The following FLT4 variants were observed in gnomAD, a reference collection of about 807,000 sequenced individuals.
FLT4 encodes fms related receptor tyrosine kinase 4.
A neutral mutation model predicts 163.2 loss-of-function variants in FLT4; 30 were observed. The observed-to-expected ratio is 0.18, with a 90% CI of 0.14 to 0.25. FLT4 has a LOEUF of 0.25. Among genes scored for constraint, FLT4 ranks in the 10% least tolerant of loss-of-function variants. The probability of loss-of-function intolerance (pLI) is 1.00; values close to 1 mark genes in which losing one functional copy is unlikely to be tolerated. For missense variants in FLT4, 1,510 were observed against 1,863.8 expected (o/e 0.81, Z 3.50); for synonymous variants, 884 against 789.5 (o/e 1.12, Z -2.01).
chr5:180,628,928 TCAC>T lies in FLT4; in HGVS notation c.1054_1056del (p.Val352del). ...TACGCTGCCAGCTTCACGGGCAGCTTCACCAGCTCGTCTCCTGCCGTGGCCTCC... is the reference window on the plus strand; with the variant it reads ...TACGCTGCCAGCTTCACGGGCAGCTTCAGCTCGTCTCCTGCCGTGGCCTCC... On this transcript the variant is annotated inframe_deletion, in exon 8 of 30. Transcript: ENST00000261937. The T allele has an allele frequency of 6.2e-7, 1 of 1,612,704 alleles. No homozygotes were observed. The highest frequency in any genetic ancestry group is 1.7e-4 in the Middle Eastern group (1 of 6,060).
intron 1 of FLT4, among the ~76,000 whole-genome samples, chr5:180,646,559 G>C (rs983555168): frequency 1.3e-5 from 2 of 152,210 alleles, no homozygotes; most frequent in Non-Finnish European, 2.9e-5. Context: ...TTAGCTGGAA[G>C]TGACACTGCC....
In FLT4 at chr5:180,622,804, C is replaced by T; in HGVS notation, c.1584G>A (p.Val528=). 6.2e-7 allele frequency: 1 copy of T among 1,613,648 alleles called. No individual in the cohort carries two copies. Among genetic ancestry groups the T allele is most frequent in the Non-Finnish European group, 8.5e-7 (1 of 1,179,900 alleles). Residue 528 remains valine, a synonymous_variant, in exon 12 of 30, where the codon GTG becomes GTA. Coordinates refer to ENST00000261937, the MANE Select transcript of FLT4 (RefSeq NM_182925.5). ...VSKLVIQNAN[V]SAMYKCVVSN... ...AGACCACACACTTGTACATGGCAGA[C>T]ACGTTGGCATTCTGGATCACCAGCT...
chr5:180,619,841 G>A, intron 17 of FLT4, 72 bp from the exon 18 acceptor site: 3 of 1,129,282 alleles, frequency 2.7e-6, no homozygotes, highest in South Asian at 1.3e-5. Context: ...CGGCGGGGGA[G>A]CCCCGTGCAG....
intron 8 of FLT4, 136 bp from the exon 9 acceptor site, chr5:180,626,401 C>T (rs1763616529): frequency 2.2e-6 from 2 of 927,568 alleles, no homozygotes; most frequent in Non-Finnish European, 3.4e-6. Flanking sequence ...GAACACTGGT[C>T]TGCGAGGGGA....
chr5:180,637,698 A>G (rs1764793663), intron 1 of FLT4, among the ~76,000 whole-genome samples: 1 of 152,104 alleles, frequency 6.6e-6, no homozygotes, highest in South Asian at 2.1e-4. Flanking sequence ...ACGCCCAGCT[A>G]ATTTTGTATC....
intron 8 of FLT4, among the ~76,000 whole-genome samples, chr5:180,628,417 G>C (rs1038414931): frequency 6.6e-6 from 1 of 152,202 alleles, no homozygotes; most frequent in South Asian, 2.1e-4. Flanking sequence ...TCTCTCGCTC[G>C]CTGCCGTGCA....
rs942490321 is a variant in FLT4, at chr5:180,631,723, T to G, written c.114A>C (p.Ser38=). The change falls in exon 2 of 30, where the codon TCA becomes TCC. Residue 38 remains serine (S), a synonymous_variant. Transcript: ENST00000261937. The part of the protein sequence containing the change: ...TPPTLNITEE[S]HVIDTGDSLS... Reference sequence around the variant, plus strand: ...GGCTGTCACCGGTGTCGATGACGTGTGACTCCTCCGTGATGTTCAAGGTCG... The same window carrying G: ...GGCTGTCACCGGTGTCGATGACGTGGGACTCCTCCGTGATGTTCAAGGTCG... 6.2e-7 allele frequency: 1 copy of G among 1,610,730 alleles called. No homozygotes were observed. The highest frequency in any genetic ancestry group is 1.1e-5 in the South Asian group (1 of 91,084).
intron 1 of FLT4, among the ~76,000 whole-genome samples, chr5:180,641,482 G>T (rs931478982): frequency 2.6e-5 from 4 of 152,244 alleles, no homozygotes; most frequent in African/African-American, 4.8e-5. Flanking sequence ...TTTCTGGGCA[G>T]CTGAGCCCAG....
At position 180,603,352 on chromosome 5, in the gene FLT4, G is replaced by A; in HGVS notation, c.3932C>T (p.Ala1311Val). The stretch of plus-strand genomic sequence containing the variant: ...CCGCCTCCCTTGGGAGTCAGGGTGT[G>A]CCCTGGTCACAGCCACATTCTGGCC... ...GPGQNVAVTRAHPDSQGRRRR... is the reference protein window; with the variant it reads ...GPGQNVAVTRVHPDSQGRRRR... Residue 1311 changes from alanine to valine, a missense_variant, in exon 30 of 30, where the codon GCA becomes GTA. This residue lies in a region of FLT4 where 295 missense variants were observed against 311.0 expected (regional missense o/e 0.95). Coordinates refer to ENST00000261937, the MANE Select transcript of FLT4 (RefSeq NM_182925.5). The A allele has an allele frequency of 6.2e-7, 1 of 1,614,114 alleles. No individual in the cohort carries two copies.
rs1243859727 is a variant in FLT4 at position 180,636,505 on chromosome 5, C to T, written c.59-4727G>A. Among the ~76,000 whole-genome samples the T allele has an allele frequency of 6.6e-6, 1 of 150,918 alleles. No homozygotes were observed. Among genetic ancestry groups the T allele is most frequent in the East Asian group, 2.0e-4 (1 of 5,058 alleles). Reference sequence around the variant, plus strand: ...AAAGCTGTCATCAGCTGCACCCCCCCGTCACTTCCCCTCATTCTCTGCTGA... The same window carrying T: ...AAAGCTGTCATCAGCTGCACCCCCCTGTCACTTCCCCTCATTCTCTGCTGA... On this transcript the variant is annotated intron_variant, in intron 1 of 29. Transcript: ENST00000261937. This position sits in a 1 kb window ranked among gnomAD's most constrained non-coding sequence, Gnocchi z 4.3.
intron 5 of FLT4, 46 bp from the exon 6 acceptor site, chr5:180,629,881 C>T (rs1241535074): frequency 1.2e-6 from 2 of 1,612,660 alleles, no homozygotes; most frequent in Admixed American, 1.7e-5. Context: ...CAGGACGACA[C>T]CCACTGAGGC....
rs998229892 is a variant in FLT4, at chr5:180,629,012, A to G, written c.986-13T>C. On this transcript the variant is annotated splice_polypyrimidine_tract_variant and intron_variant, in intron 7 of 29. Coordinates refer to ENST00000261937, the MANE Select transcript of FLT4 (RefSeq NM_182925.5). ...ATGAAGGGATTTTCTGCCGGACAGG[A>G]GAAGTCACTGTAAATCCAGGACTGA... 3.1e-6 allele frequency: 5 copies of G among 1,602,950 alleles called. No homozygotes were observed. The South Asian group carries it at 4.4e-5, about 14-fold the overall frequency.
At chr5:180,624,163 T>C in intron 10 of FLT4, 102 bp from the exon 11 acceptor site, 5 of 1,397,104 alleles carry the variant, frequency 3.6e-6, no homozygotes, top group Non-Finnish European at 5.0e-6. Context: ...CACCTTCTCA[T>C]ATGGGGTCGT....
In FLT4 at chr5:180,636,656, TCTC is replaced by T. The variant is rs1764713995; in HGVS notation, c.59-4881_59-4879del. 6.6e-6 allele frequency among the ~76,000 whole-genome samples: 1 copy of T among 150,864 alleles called. No individual in the cohort carries two copies. The highest frequency in any genetic ancestry group is 1.5e-5 in the Non-Finnish European group (1 of 67,714). On this transcript the variant is annotated intron_variant, in intron 1 of 29. Coordinates refer to ENST00000261937, the MANE Select transcript of FLT4 (RefSeq NM_182925.5). This position sits in a 1 kb window ranked among gnomAD's most constrained non-coding sequence, Gnocchi z 4.3. ...TCCCCCCTGCACGGCCCTCACATCT[TCTC>T]CTCCTGAATCACTCAGTTCTGTGGG...
rs2127836402 is a variant in FLT4 at position 180,630,137 on chromosome 5, C to T, written c.514-32G>A. The T allele has an allele frequency of 1.9e-6, 3 of 1,551,626 alleles. No individual in the cohort carries two copies. Among genetic ancestry groups the T allele is most frequent in the Non-Finnish European group, 2.6e-6 (3 of 1,143,872 alleles). On this transcript the variant is annotated intron_variant, in intron 4 of 29. Transcript: ENST00000261937. This position sits in a 1 kb window ranked among gnomAD's most constrained non-coding sequence, Gnocchi z 6.3. ...GGACAAGGCCACCATCATTGCCCAG[C>T]TGCCCCTTGCTCCTGGCCAGACAGG...
chr5:180,619,126 C>A lies in FLT4; in HGVS notation c.2762-17G>T. The A allele has an allele frequency of 6.7e-7, 1 of 1,483,990 alleles. No homozygotes were observed. Among genetic ancestry groups the A allele is most frequent in the Non-Finnish European group, 9.0e-7 (1 of 1,115,946 alleles). 91.9% of individuals were successfully genotyped at this position (1,483,990 alleles called of 1,614,324 possible). A position where few individuals can be genotyped will look rare whatever the true frequency, so the allele number is the denominator to read the frequency against. ...TGAGGGGGCCTGCGGCGGGACCGGGCGGCGGCCGTGCGTTCGGAACCCGGG... is the reference window on the plus strand; with the variant it reads ...TGAGGGGGCCTGCGGCGGGACCGGGAGGCGGCCGTGCGTTCGGAACCCGGG... On this transcript the variant is annotated splice_polypyrimidine_tract_variant and intron_variant, in intron 19 of 29. Transcript: ENST00000261937.
In FLT4 at chr5:180,621,203, G is replaced by C. The variant is rs1377949089; in HGVS notation, c.2070C>G (p.Asn690Lys). The stretch of plus-strand genomic sequence containing the variant: ...ACTGCATCTCCAGCGAGTCGCTCAC[G>C]TTCACCAGGAGGTCGGTCAAGTTCT... Reference protein sequence around the residue: ...LTQNLTDLLVNVSDSLEMQCL... With the variant: ...LTQNLTDLLVKVSDSLEMQCL... The change falls in exon 14 of 30, where the codon AAC becomes AAG. Residue 690 changes from asparagine (N) to lysine (K), a missense_variant. Transcript: ENST00000261937. The C allele has an allele frequency of 6.2e-7, 1 of 1,612,812 alleles. No homozygotes were observed. The highest frequency in any genetic ancestry group is 8.5e-7 in the Non-Finnish European group (1 of 1,179,968).
intron 6 of FLT4, 67 bp from the exon 7 acceptor site, chr5:180,629,494 C>T (rs1763918139): frequency 5.7e-6 from 9 of 1,578,428 alleles, no homozygotes; most frequent in Non-Finnish European, 7.8e-6. Flanking sequence ...ACCGAAGGCA[C>T]ACCTCCCAGC....
chr5:180,619,659 C>G lies in FLT4; in HGVS notation c.2647+6G>C. ...AGGCTGCCCCTTCCGCCCGCTGACCCCACACCTTTCAGCATTTTCACGGCC... is the reference window on the plus strand; with the variant it reads ...AGGCTGCCCCTTCCGCCCGCTGACCGCACACCTTTCAGCATTTTCACGGCC... On this transcript the variant is annotated splice_donor_region_variant and intron_variant, in intron 18 of 29. Coordinates refer to ENST00000261937, the MANE Select transcript of FLT4 (RefSeq NM_182925.5). 1.9e-6 allele frequency: 3 copies of G among 1,609,782 alleles called. No individual in the cohort carries two copies. The highest frequency in any genetic ancestry group is 2.5e-6 in the Non-Finnish European group (3 of 1,177,232).
Sources: gnomAD v4.1 joint callset for allele counts (sites outside exome capture counted in the v4.1 genomes callset) on GRCh38, gnomAD v4.1.1 for gene constraint, gnomAD v4.1.1 regional missense constraint, Gnocchi (gnomAD v3.1) non-coding constraint, MANE v1.5 for transcripts, NCBI Gene and HGNC (gene_info 2026-07-23, HGNC 2026-07-21) for gene names.